GSK3B: variants seen among roughly 807,000 people sequenced by gnomAD.
GSK3B encodes the protein glycogen synthase kinase-3 beta.
A neutral mutation model predicts 56.4 loss-of-function variants in GSK3B; 15 were observed. The observed-to-expected ratio is 0.27, with a 90% confidence interval of 0.18 to 0.41. The LOEUF (loss-of-function observed/expected upper bound fraction) is 0.41. Ranked by LOEUF, GSK3B falls within the 10% of genes least tolerant of loss-of-function variation. The pLI, the probability that GSK3B is intolerant of heterozygous loss-of-function variation, is 1.00. For missense variants in GSK3B, 300 were observed against 513.4 expected (o/e 0.58, Z 4.02); for synonymous variants, 181 against 188.9 (o/e 0.96, Z 0.34).
chr3:119,907,118 C>T (rs183701508), intron 6 of GSK3B, among the ~76,000 whole-genome samples: 11 of 152,046 alleles, frequency 7.2e-5, no homozygotes, highest in Admixed American at 3.9e-4. Context: ...TATAGTCAAG[C>T]GGAAAAGATG....
chr3:119,982,599 G>A (rs2057474408), intron 2 of GSK3B, among the ~76,000 whole-genome samples: 1 of 152,128 alleles, frequency 6.6e-6, no homozygotes, highest in Non-Finnish European at 1.5e-5. Context: ...TCGATCAAGT[G>A]GAAGAAAGGG....
intron 1 of GSK3B, among the ~76,000 whole-genome samples, chr3:120,060,501 A>C (rs1576302757): frequency 6.6e-6 from 1 of 152,044 alleles, no homozygotes; most frequent in African/African-American, 2.4e-5. Context: ...CCGAGGCGGG[A>C]GAATCACTGG....
chr3:119,995,626 G>A (rs929304993), intron 2 of GSK3B, among the ~76,000 whole-genome samples: 2 of 151,534 alleles, frequency 1.3e-5, no homozygotes, highest in African/African-American at 4.8e-5. Flanking sequence ...GTAGAGACAG[G>A]GTTTCACCAT....
At chr3:119,913,459 T>C (rs375441316) in intron 5 of GSK3B, among the ~76,000 whole-genome samples, 1 of 152,080 alleles carries the variant, frequency 6.6e-6, no homozygotes, top group African/African-American at 2.4e-5. Context: ...CCAATTTTCC[T>C]ACTAAAATAC....
intron 2 of GSK3B, among the ~76,000 whole-genome samples, chr3:119,948,412 ACCTTTCG>A (rs1349219337): frequency 2.0e-5 from 3 of 152,158 alleles, no homozygotes; most frequent in Admixed American, 6.6e-5. Context: ...CTTTAAACTG[ACCTTTCG>A]GAGTTGGGCT....
intron 10 of GSK3B, among the ~76,000 whole-genome samples, chr3:119,834,950 A>G (rs1382081463): frequency 6.6e-6 from 1 of 152,242 alleles, no homozygotes; most frequent in Non-Finnish European, 1.5e-5. Flanking sequence ...CTATATACAA[A>G]CTCACAAAGT....
At chr3:119,997,100 C>T (rs982517160) in intron 2 of GSK3B, among the ~76,000 whole-genome samples, 2 of 152,104 alleles carry the variant, frequency 1.3e-5, no homozygotes, top group African/African-American at 4.8e-5. Context: ...CACTCTAGTT[C>T]ACCAGTAACA....
chr3:119,923,480 C>T lies in GSK3B; in HGVS notation c.370G>A (p.Asp124Asn). 1 of 1,515,094 alleles carries T rather than the reference C, an allele frequency of 6.6e-7. No individual in the cohort carries two copies. Among genetic ancestry groups the T allele is most frequent in the Non-Finnish European group, 9.1e-7 (1 of 1,104,498 alleles). The allele number at this position is 1,515,094 out of a possible 1,614,324, so 93.9% of individuals were successfully genotyped here. The change falls in exon 4 of 11, where the codon GAT becomes AAT. Residue 124 changes from aspartate to asparagine, a missense_variant. By Grantham distance (23) the Asp-to-Asn change is conservative. Coordinates refer to ENST00000264235, the MANE Select transcript of GSK3B (RefSeq NM_001146156.2). ...AGCACCAGATTAAGATAGACCTCAT[C>T]TTTCTGAAAGAGTTTATTTAAAAAA... ...YFFYSSGEKK[D>N]EVYLNLVLDY...
At chr3:119,857,905 C>T (rs1165722471) in intron 9 of GSK3B, among the ~76,000 whole-genome samples, 1 of 152,178 alleles carries the variant, frequency 6.6e-6, no homozygotes, top group Non-Finnish European at 1.5e-5. Flanking sequence ...ATGAAAACAA[C>T]ATTCATCTCC....
chr3:119,971,912 G>A (rs756700086), intron 2 of GSK3B, among the ~76,000 whole-genome samples: 1 of 151,724 alleles, frequency 6.6e-6, no homozygotes, highest in Non-Finnish European at 1.5e-5. Context: ...CGCCCGGCCT[G>A]CAATAAAATT....
chr3:120,041,286 T>G, intron 1 of GSK3B: 1 of 273,674 alleles, frequency 3.7e-6, no homozygotes, highest in Non-Finnish European at 7.6e-6. Flanking sequence ...TTTTCCTGAG[T>G]AAGTGGTAGA....
chr3:119,947,152 G>T, intron 3 of GSK3B, 116 bp downstream of exon 3: 1 of 679,230 alleles, frequency 1.5e-6, no homozygotes, highest in Non-Finnish European at 2.6e-6. Context: ...TGGGGCAAGT[G>T]TTTCGGAATT....
In GSK3B at chr3:119,967,320, T is replaced by A. The variant is rs144884357; in HGVS notation, c.283-19969A>T. ...CTCAAACTCCTGATCTCATGATATG[T>A]CCGCCTCGGCCTCCCAAGGTGCTGG... On this transcript the variant is annotated intron_variant, in intron 2 of 10. Coordinates refer to ENST00000264235, the MANE Select transcript of GSK3B (RefSeq NM_001146156.2). Among the ~76,000 whole-genome samples the A allele has an allele frequency of 5.6e-4, 86 of 152,216 alleles. No individual in the cohort carries two copies. The East Asian group carries it at 0.013, about 24-fold the overall frequency.
chr3:119,873,749 T>C (rs774019167), intron 8 of GSK3B, among the ~76,000 whole-genome samples: 1 of 152,160 alleles, frequency 6.6e-6, no homozygotes, highest in Admixed American at 6.6e-5. Context: ...AATTTCTGCA[T>C]CTGAATTTAC....
intron 2 of GSK3B, among the ~76,000 whole-genome samples, chr3:119,982,809 C>G (rs1285006984): frequency 1.3e-5 from 2 of 152,110 alleles, no homozygotes; most frequent in African/African-American, 2.4e-5. Context: ...GAGAACTTCC[C>G]TAACCTAGGA....
chr3:120,013,303 T>C (rs530980138), intron 1 of GSK3B, among the ~76,000 whole-genome samples: 1 of 152,202 alleles, frequency 6.6e-6, no homozygotes, highest in Non-Finnish European at 1.5e-5. Flanking sequence ...AAGCTGAACA[T>C]ACTTTGTTCA....
chr3:119,893,934 G>C (rs924108569), intron 7 of GSK3B, among the ~76,000 whole-genome samples: 2 of 150,422 alleles, frequency 1.3e-5, no homozygotes, highest in East Asian at 2.0e-4. Context: ...TTATACAACT[G>C]AGTGATTTTT....
intron 1 of GSK3B, among the ~76,000 whole-genome samples, chr3:120,088,261 T>C (rs1421745757): frequency 6.6e-6 from 1 of 151,194 alleles, no homozygotes; most frequent in Non-Finnish European, 1.5e-5. Flanking sequence ...TGGAATAATT[T>C]ACTAAAAATG....
intron 1 of GSK3B, among the ~76,000 whole-genome samples, chr3:120,016,247 T>G (rs2057825833): frequency 1.3e-5 from 2 of 152,276 alleles, no homozygotes; most frequent in South Asian, 2.1e-4. Context: ...GGTCAGTAGC[T>G]CTGAAGTGGG....
Sources: gnomAD v4.1 joint callset for allele counts (sites outside exome capture counted in the v4.1 genomes callset) on GRCh38, gnomAD v4.1.1 for gene constraint, MANE v1.5 for transcripts, NCBI Gene and HGNC (gene_info 2026-07-23, HGNC 2026-07-21) for gene names.